SLCO1B3: variants seen among roughly 807,000 people sequenced by gnomAD.
The protein encoded by SLCO1B3 is liver-specific organic anion transporter 2.
In SLCO1B3, 72 loss-of-function variants were observed where a neutral mutation model predicts 71.8. The ratio of observed to expected loss-of-function variants is 1.00; its 90% CI spans 0.83 to 1.22. The LOEUF is 1.22. SLCO1B3 is among the 50% of genes most tolerant of loss of function. The probability of loss-of-function intolerance (pLI) is 0.00; values close to 1 mark genes in which losing one functional copy is unlikely to be tolerated. For synonymous variants in SLCO1B3, 298 were observed against 278.4 expected (o/e 1.07, Z -0.70); for missense variants, 911 against 819.7 (o/e 1.11, Z -1.36).
intron 3 of SLCO1B3, among the ~76,000 whole-genome samples, chr12:20,840,159 C>G (rs911843247): frequency 2.3e-4 from 35 of 152,050 alleles, no homozygotes; most frequent in Admixed American, 2.3e-3. Flanking sequence ...GAGTTTGGTC[C>G]TGATTCTTGC....
At chr12:20,907,700 G>A (rs946907820) in intron 15 of SLCO1B3, among the ~76,000 whole-genome samples, 1 of 151,482 alleles carries the variant, frequency 6.6e-6, no homozygotes, top group Non-Finnish European at 1.5e-5. Context: ...TACTAGATAC[G>A]GTTTCGCCAT....
At chr12:20,899,036 T>C (rs917170413) in intron 14 of SLCO1B3, among the ~76,000 whole-genome samples, 2 of 152,200 alleles carry the variant, frequency 1.3e-5, no homozygotes, top group Admixed American at 1.3e-4. Context: ...AAATTCATAC[T>C]CTAGAACTAG....
chr12:20,815,491 G>T (rs1467124008), intron 2 of SLCO1B3, among the ~76,000 whole-genome samples, 183 bp from the exon 3 acceptor site: 1 of 152,020 alleles, frequency 6.6e-6, no homozygotes, highest in South Asian at 2.1e-4. Flanking sequence ...TTTAGGCTAG[G>T]AGTTTGTCTC....
intron 13 of SLCO1B3, among the ~76,000 whole-genome samples, chr12:20,886,408 A>T (rs1298898745): frequency 2.6e-5 from 4 of 152,036 alleles, no homozygotes; most frequent in Non-Finnish European, 5.9e-5. Context: ...ACAGATAGAA[A>T]CTACATCCTA....
intron 7 of SLCO1B3, 65 bp from the exon 8 acceptor site, chr12:20,862,691 A>G (rs1865292822): frequency 1.4e-6 from 2 of 1,472,984 alleles, no homozygotes; most frequent in Non-Finnish European, 9.4e-7. Context: ...ATTACTTTTA[A>G]AAGCATGTTA....
intron 4 of SLCO1B3, among the ~76,000 whole-genome samples, chr12:20,856,118 T>C (rs1865130660): frequency 6.6e-6 from 1 of 152,212 alleles, no homozygotes; most frequent in African/African-American, 2.4e-5. Context: ...ATCTAGAATT[T>C]TAGAATTGGA....
chr12:20,841,106 T>C (rs1224238352), intron 3 of SLCO1B3, among the ~76,000 whole-genome samples: 1 of 152,134 alleles, frequency 6.6e-6, no homozygotes, highest in East Asian at 1.9e-4. Context: ...ACCCTAGCAC[T>C]ATTTCCTTTC....
chr12:20,848,879 G>GACTATT (rs1038622703), intron 3 of SLCO1B3, among the ~76,000 whole-genome samples: 1 of 152,058 alleles, frequency 6.6e-6, no homozygotes, highest in African/African-American at 2.4e-5. Context: ...AGGTAAGGGA[G>GACTATT]ACTATTCTTT....
rs190646235 is a variant in SLCO1B3 at position 20,851,145 on chromosome 12, C to G, written c.85-3883C>G. 1.3e-3 allele frequency among the ~76,000 whole-genome samples: 200 copies of G among 152,240 alleles called. 1 individual carries two copies. Among genetic ancestry groups the G allele is most frequent in the Non-Finnish European group, 2.2e-3 (152 of 68,010 alleles). On this transcript the variant is annotated intron_variant, in intron 3 of 15. Coordinates refer to ENST00000381545, the MANE Select transcript of SLCO1B3 (RefSeq NM_019844.4). ...GTGATGAACGTGGGTGTGTGAAAAT[C>G]TCTTCAAGATCCCAGTTTGAATTTC...
intron 3 of SLCO1B3, among the ~76,000 whole-genome samples, chr12:20,851,351 T>A (rs1199958334): frequency 6.6e-6 from 1 of 152,162 alleles, no homozygotes. Flanking sequence ...CTTTGAATAG[T>A]GAGTATTCTG....
chr12:20,861,722 T>G (rs915255186), intron 6 of SLCO1B3, among the ~76,000 whole-genome samples: 6 of 135,546 alleles, frequency 4.4e-5, no homozygotes, highest in Non-Finnish European at 8.1e-5. Flanking sequence ...ACCCCAAAAT[T>G]TATTAAAAAT....
At chr12:20,881,089 A>G in intron 12 of SLCO1B3, 69 bp downstream of exon 12, 1 of 1,168,978 alleles carries the variant, frequency 8.6e-7, no homozygotes, top group Non-Finnish European at 1.2e-6. Flanking sequence ...ATAAATACTT[A>G]TCAAATCTTC....
chr12:20,893,546 A>G (rs989581133), intron 13 of SLCO1B3, among the ~76,000 whole-genome samples: 1 of 152,178 alleles, frequency 6.6e-6, no homozygotes, highest in African/African-American at 2.4e-5. Context: ...TTTCAGGCCC[A>G]TTGATGTGGA....
intron 15 of SLCO1B3, among the ~76,000 whole-genome samples, chr12:20,907,699 C>T (rs544968953): frequency 6.6e-6 from 1 of 151,434 alleles, no homozygotes; most frequent in South Asian, 2.1e-4. Context: ...CTACTAGATA[C>T]GGTTTCGCCA....
At chr12:20,857,789 T>C (rs976317776) in intron 4 of SLCO1B3, among the ~76,000 whole-genome samples, 1 of 152,164 alleles carries the variant, frequency 6.6e-6, no homozygotes, top group Non-Finnish European at 1.5e-5. Flanking sequence ...GTCTGTTCAA[T>C]GTTATATATA....
At chr12:20,882,957 G>T (rs1231085295) in intron 12 of SLCO1B3, among the ~76,000 whole-genome samples, 1 of 152,128 alleles carries the variant, frequency 6.6e-6, no homozygotes, top group East Asian at 1.9e-4. Flanking sequence ...TTATGGTCTT[G>T]AATGTTGCTT....
chr12:20,866,994 C>T (rs1267718971), intron 8 of SLCO1B3, among the ~76,000 whole-genome samples: 2 of 152,072 alleles, frequency 1.3e-5, no homozygotes, highest in African/African-American at 4.8e-5. Context: ...TCCTTCCATG[C>T]TTTGTTCCTG....
chr12:20,874,059 A>G (rs568017785), intron 8 of SLCO1B3, among the ~76,000 whole-genome samples: 2 of 152,322 alleles, frequency 1.3e-5, no homozygotes, highest in African/African-American at 2.4e-5. Context: ...TAATGCTGCA[A>G]TAAACATACA....
intron 10 of SLCO1B3, 23 bp from the exon 11 acceptor site, chr12:20,879,413 T>C (rs1865646108): frequency 1.3e-6 from 2 of 1,519,668 alleles, no homozygotes; most frequent in East Asian, 2.3e-5. Context: ...AATTATAGCT[T>C]TTTTCTCTTC....
Sources: allele counts gnomAD v4.1 joint callset (sites outside exome capture counted in the v4.1 genomes callset), GRCh38; gene constraint gnomAD v4.1.1; transcripts MANE v1.5; gene names NCBI Gene and HGNC (gene_info 2026-07-23, HGNC 2026-07-21).